FRAS1: variants seen among roughly 807,000 people sequenced by gnomAD.
FRAS1 encodes the protein Fraser extracellular matrix complex subunit 1, also known as extracellular matrix organizing protein FRAS1.
In FRAS1, 290 loss-of-function variants were observed where a neutral mutation model predicts 435.2. The ratio of observed to expected loss-of-function variants is 0.67; its 90% CI spans 0.61 to 0.73. FRAS1 has a LOEUF of 0.73. Ranked by LOEUF, FRAS1 falls within the 30% of genes least tolerant of loss-of-function variation. FRAS1 has a pLI of 0.00. For missense variants in FRAS1, 4,860 were observed against 5,001.5 expected, an observed-to-expected ratio of 0.97 and a Z score of 0.85; for synonymous variants, 1,800 against 1,851.0, an observed-to-expected ratio of 0.97 and a Z score of 0.71.
At chr4:78,360,579 A>C (rs1422087365) in intron 20 of FRAS1, among the ~76,000 whole-genome samples, 1 of 152,194 alleles carries the variant, frequency 6.6e-6, no homozygotes, top group Non-Finnish European at 1.5e-5. Flanking sequence ...AAACAGGAAT[A>C]GATAGACGTT....
chr4:78,128,145 T>C (rs1719476308), intron 2 of FRAS1, among the ~76,000 whole-genome samples: 2 of 152,226 alleles, frequency 1.3e-5, no homozygotes, highest in Admixed American at 1.3e-4. Context: ...CTTAATCCAG[T>C]CTATCATTGT....
intron 69 of FRAS1, 89 bp downstream of exon 69, chr4:78,522,897 G>A: frequency 8.6e-7 from 1 of 1,158,546 alleles, no homozygotes; most frequent in Non-Finnish European, 1.2e-6. Context: ...TTCCTCTGAA[G>A]GCTAGACTTT....
Position 78,422,069 on chromosome 4 carries a change from A to G in FRAS1, c.4678+69A>G. 3 of 1,507,170 alleles carry G rather than the reference A, an allele frequency of 2.0e-6. No homozygotes were observed. The African/African-American group carries it at 4.1e-5, about 21-fold the overall frequency. The allele number at this position is 1,507,170 out of a possible 1,614,324, so 93.4% of individuals were successfully genotyped here. A position where few individuals can be genotyped will look rare whatever the true frequency, so the allele number is the denominator to read the frequency against. ...TGGCTCTACATGACAGGCTCGCCCT[A>G]ACTCTCCCTGCAGTCCTCTGGACCA... On this transcript the variant is annotated intron_variant, in intron 34 of 73. Transcript: ENST00000512123.
At chr4:78,513,338 A>G in intron 64 of FRAS1, 54 bp from the exon 65 acceptor site, 1 of 1,570,032 alleles carries the variant, frequency 6.4e-7, no homozygotes, top group Non-Finnish European at 8.7e-7. Context: ...AGTATGTCCT[A>G]TTGACCATTT....
chr4:78,279,989 C>A (rs1411928551), intron 10 of FRAS1, among the ~76,000 whole-genome samples: 1 of 152,160 alleles, frequency 6.6e-6, no homozygotes, highest in African/African-American at 2.4e-5. Context: ...AGCCACTTAT[C>A]ACACACTGTG....
rs771856615 is a variant in FRAS1 at position 78,508,826 on chromosome 4, C to G, written c.9600C>G (p.Thr3200=). The change falls in exon 63 of 74, where the codon ACC becomes ACG. Residue 3200 remains threonine (T), a synonymous_variant. Coordinates refer to ENST00000512123, the MANE Select transcript of FRAS1 (RefSeq NM_025074.7). ...PSPGYPLVCV[T]PCDPHFPRYA... The stretch of plus-strand genomic sequence containing the variant: ...CAGGCTACCCACTGGTCTGTGTCAC[C>G]CCCTGCGACCCTCATTTCCCCAGAT... The G allele has an allele frequency of 6.2e-6, 10 of 1,613,650 alleles. No homozygotes were observed. In the Admixed American group the frequency reaches 1.7e-4, roughly 27 times the overall value.
At chr4:78,312,879 G>GAGAGAGAAAGAA (rs143465313) in intron 15 of FRAS1, among the ~76,000 whole-genome samples, 31 of 129,164 alleles carry the variant, frequency 2.4e-4, no homozygotes, top group African/African-American at 5.4e-4. Context: ...GAGAGAGAGA[G>GAGAGAGAAAGAA]AGAAAGAAAG....
intron 32 of FRAS1, among the ~76,000 whole-genome samples, chr4:78,416,137 C>T (rs576003984): frequency 1.1e-4 from 17 of 152,060 alleles, no homozygotes; most frequent in Non-Finnish European, 2.5e-4. Context: ...CTGTCACAGG[C>T]TACAACATAG....
intron 2 of FRAS1, among the ~76,000 whole-genome samples, chr4:78,099,284 G>A (rs1741985302): frequency 1.3e-5 from 2 of 152,290 alleles, no homozygotes; most frequent in African/African-American, 4.8e-5. Flanking sequence ...AGAACTTTGG[G>A]AAGGGGAACA....
chr4:78,061,196 C>T (rs1342910824), intron 1 of FRAS1, among the ~76,000 whole-genome samples: 1 of 152,080 alleles, frequency 6.6e-6, no homozygotes, highest in Non-Finnish European at 1.5e-5. Flanking sequence ...TTTTTACAAG[C>T]AAATTATTGG....
chr4:78,248,573 A>G (rs1725369029), intron 4 of FRAS1, among the ~76,000 whole-genome samples: 1 of 152,192 alleles, frequency 6.6e-6, no homozygotes, highest in South Asian at 2.1e-4. Context: ...TAACTAATTT[A>G]TGTGTATGAG....
intron 59 of FRAS1, 55 bp from the exon 60 acceptor site, chr4:78,496,750 C>T (rs920122080): frequency 4.6e-6 from 7 of 1,506,650 alleles, no homozygotes; most frequent in Non-Finnish European, 5.4e-6. Flanking sequence ...GAAAACCAAG[C>T]AAATCACTGA....
intron 2 of FRAS1, among the ~76,000 whole-genome samples, chr4:78,191,046 G>A (rs1722509917): frequency 6.6e-6 from 1 of 152,186 alleles, no homozygotes; most frequent in African/African-American, 2.4e-5. Flanking sequence ...TCAGTGAGAG[G>A]GTGGCCATCT....
intron 2 of FRAS1, among the ~76,000 whole-genome samples, chr4:78,154,994 C>T (rs1446236442): frequency 6.6e-6 from 1 of 152,174 alleles, no homozygotes; most frequent in Non-Finnish European, 1.5e-5. Flanking sequence ...ATGTGACAGT[C>T]TCCTTTAATG....
intron 72 of FRAS1, among the ~76,000 whole-genome samples, chr4:78,538,953 T>TAA (rs10545506): frequency 1.3e-4 from 18 of 134,052 alleles, no homozygotes; most frequent in African/African-American, 4.2e-4. Context: ...AGACTCCATC[T>TAA]AAAAAAAAAA....
chr4:78,540,896 GC>G lies in FRAS1; in HGVS notation c.11814del (p.Ala3939GlnfsTer10). On this transcript the variant is annotated frameshift_variant, in exon 74 of 74. Coordinates refer to ENST00000512123, the MANE Select transcript of FRAS1 (RefSeq NM_025074.7). LOFTEE classifies it high-confidence loss of function. Reference protein sequence around the residue: ...RKCQKQRKKKPAEDILEEYPL... With the variant: ...RKCQKQRKKKXAEDILEEYPL... ...AATGCCAGAAACAGAGGAAGAAGAA[GC>G]CCGCAGAGGACATTTTGGAAGAATA... 6.2e-7 allele frequency: 1 copy of G among 1,614,012 alleles called. No individual in the cohort carries two copies. The highest frequency in any genetic ancestry group is 8.5e-7 in the Non-Finnish European group (1 of 1,179,902).
intron 3 of FRAS1, among the ~76,000 whole-genome samples, chr4:78,241,317 C>G (rs1418638840): frequency 6.6e-6 from 1 of 152,202 alleles, no homozygotes; most frequent in Admixed American, 6.5e-5. Flanking sequence ...TCTGCTTCTT[C>G]CTCCAGACTC....
At chr4:78,370,267 T>C (rs1731452447) in intron 23 of FRAS1, among the ~76,000 whole-genome samples, 1 of 152,242 alleles carries the variant, frequency 6.6e-6, no homozygotes, top group Admixed American at 6.5e-5. Context: ...ATATGGCCCA[T>C]AGACATGTTT....
intron 14 of FRAS1, among the ~76,000 whole-genome samples, chr4:78,302,360 G>A (rs1222760898): frequency 1.3e-5 from 2 of 151,090 alleles, no homozygotes; most frequent in Non-Finnish European, 3.0e-5. Context: ...TAGTCCTTTG[G>A]GTATATACCC....
Sources: allele counts gnomAD v4.1 joint callset (sites outside exome capture counted in the v4.1 genomes callset), GRCh38; gene constraint gnomAD v4.1.1; transcripts MANE v1.5; gene names NCBI Gene and HGNC (gene_info 2026-07-23, HGNC 2026-07-21).